The following DLG2 variants were observed in gnomAD, a reference collection of about 807,000 sequenced individuals.
DLG2 encodes discs large MAGUK scaffold protein 2.
Under a neutral mutation model 132.5 loss-of-function variants are expected in DLG2, and 45 were observed. That is an observed-to-expected ratio of 0.34 (90% CI 0.27 to 0.44). DLG2 has a LOEUF of 0.44. Ranked by LOEUF, DLG2 falls within the 20% of genes least tolerant of loss-of-function variation. DLG2 has a pLI of 1.00. For synonymous variants in DLG2, 424 were observed against 419.6 expected, an observed-to-expected ratio of 1.01 and a Z score of -0.13; for missense variants, 1,045 against 1,196.9, an observed-to-expected ratio of 0.87 and a Z score of 1.87.
At chr11:83,807,256 A>G (rs1030621962) in intron 17 of DLG2, among the ~76,000 whole-genome samples, 1 of 152,184 alleles carries the variant, frequency 6.6e-6, no homozygotes, top group Non-Finnish European at 1.5e-5. Flanking sequence ...ATCTTTCACT[A>G]TCAGTCCCAA....
At chr11:85,592,713 T>C (rs1217365189) in intron 3 of DLG2, among the ~76,000 whole-genome samples, 1 of 152,118 alleles carries the variant, frequency 6.6e-6, no homozygotes, top group Admixed American at 6.6e-5. Flanking sequence ...CACTTTGGAA[T>C]GCCAAGGTGG....
chr11:84,051,807 A>C (rs917906885), intron 11 of DLG2, among the ~76,000 whole-genome samples: 1 of 151,902 alleles, frequency 6.6e-6, no homozygotes, highest in African/African-American at 2.4e-5. Context: ...AGACAGGAAC[A>C]CCATAATAAT....
In DLG2 at chr11:83,667,807, G is replaced by A. The variant is rs370452388; in HGVS notation, c.1826-34482C>T. ...ATCCTAGCTAACACGGTGAAACCCCGTCTGTACTAAAAATACAAAAATTAG... is the reference window on the plus strand; with the variant it reads ...ATCCTAGCTAACACGGTGAAACCCCATCTGTACTAAAAATACAAAAATTAG... On this transcript the variant is annotated intron_variant, in intron 18 of 27. Coordinates refer to ENST00000376104, the MANE Select transcript of DLG2 (RefSeq NM_001142699.3). 5.9e-5 allele frequency among the ~76,000 whole-genome samples: 9 copies of A among 151,540 alleles called. No individual in the cohort carries two copies. The East Asian group carries it at 7.8e-4, about 13-fold the overall frequency.
chr11:85,275,451 T>C (rs1023732603), intron 4 of DLG2, among the ~76,000 whole-genome samples: 3 of 152,184 alleles, frequency 2.0e-5, no homozygotes, highest in Non-Finnish European at 1.5e-5. Context: ...AAATCTGTCA[T>C]ATTTACTAAA....
At chr11:84,615,502 C>T (rs917733782) in intron 6 of DLG2, among the ~76,000 whole-genome samples, 10 of 151,968 alleles carry the variant, frequency 6.6e-5, no homozygotes, top group African/African-American at 2.4e-4. Flanking sequence ...TTCATTAAGG[C>T]ATTATTTGTT....
chr11:84,458,931 A>G (rs1356374598), intron 7 of DLG2, among the ~76,000 whole-genome samples: 1 of 150,656 alleles, frequency 6.6e-6, no homozygotes, highest in Non-Finnish European at 1.5e-5. Context: ...AGTCCTCATA[A>G]ACACCTTATG....
chr11:85,079,951 C>G (rs1285707607), intron 6 of DLG2, among the ~76,000 whole-genome samples: 5 of 152,048 alleles, frequency 3.3e-5, no homozygotes, highest in Non-Finnish European at 7.4e-5. Flanking sequence ...TTGATATCCT[C>G]TCAGTAATTT....
chr11:84,756,742 T>G lies in DLG2; in HGVS notation c.358-222011A>C, dbSNP rs564325648. Among the ~76,000 whole-genome samples, 3 of 152,280 alleles carry G rather than the reference T, an allele frequency of 2.0e-5. No individual in the cohort carries two copies. The East Asian group carries it at 5.8e-4, about 29-fold the overall frequency. ...AAACTTTCTTAAAATATAATGAGAT[T>G]TTTTTGTGATTTTTTTTAATTTTTG... On this transcript the variant is annotated intron_variant, in intron 6 of 27. Transcript: ENST00000376104.
intron 6 of DLG2, among the ~76,000 whole-genome samples, chr11:84,576,342 A>T (rs999545594): frequency 1.3e-5 from 2 of 152,194 alleles, no homozygotes; most frequent in Non-Finnish European, 1.5e-5. Flanking sequence ...ATAAAGAATG[A>T]ATGAATTATA....
At chr11:85,350,505 T>A (rs1005707373) in intron 3 of DLG2, among the ~76,000 whole-genome samples, 1 of 152,214 alleles carries the variant, frequency 6.6e-6, no homozygotes, top group Non-Finnish European at 1.5e-5. Flanking sequence ...CTGAATGGTA[T>A]TGCCTAGGTT....
intron 3 of DLG2, among the ~76,000 whole-genome samples, chr11:85,519,223 T>G (rs987354210): frequency 7.9e-5 from 12 of 152,154 alleles, no homozygotes; most frequent in Non-Finnish European, 1.6e-4. Context: ...ACTGACAGCC[T>G]GCACCATGCA....
In DLG2 at chr11:83,725,311, G is replaced by A. The variant is rs2089791787; in HGVS notation, c.1825+61379C>T. ...AATCCTGCCTCCCAGCTAGCTGCTG[G>A]TGTTTGAAATTCCAACTCTGAAGTG... On this transcript the variant is annotated intron_variant, in intron 18 of 27. Coordinates refer to ENST00000376104, the MANE Select transcript of DLG2 (RefSeq NM_001142699.3). 2.3e-5 allele frequency: 4 copies of A among 176,226 alleles called. No homozygotes were observed. The South Asian group carries it at 4.8e-4, about 21-fold the overall frequency. 10.9% of individuals were successfully genotyped at this position (176,226 alleles called of 1,614,324 possible).
intron 6 of DLG2, among the ~76,000 whole-genome samples, chr11:84,678,026 A>G (rs1279977838): frequency 6.6e-6 from 1 of 152,110 alleles, no homozygotes; most frequent in Admixed American, 6.6e-5. Context: ...ATTAAGTATC[A>G]AGGCAATTAA....
intron 6 of DLG2, among the ~76,000 whole-genome samples, chr11:84,893,673 G>A (rs2089775844): frequency 6.6e-6 from 1 of 152,116 alleles, no homozygotes; most frequent in South Asian, 2.1e-4. Context: ...CGGTTTGTTA[G>A]CTTGTTTTAG....
chr11:84,127,638 C>T (rs1036391844), intron 9 of DLG2, among the ~76,000 whole-genome samples: 3 of 152,110 alleles, frequency 2.0e-5, no homozygotes, highest in South Asian at 2.1e-4. Context: ...TCTCACTATG[C>T]GGCCCAGGCT....
In DLG2 at chr11:85,298,633, T is replaced by G. The variant is rs1229463659; in HGVS notation, c.41-13268A>C. The stretch of plus-strand genomic sequence containing the variant: ...TAAATTCTTTGCTATAAAGCACATC[T>G]AACTGGGACATCTGTTAATTTCCCA... On this transcript the variant is annotated intron_variant, in intron 3 of 27. Transcript: ENST00000376104. Among the ~76,000 whole-genome samples the G allele has an allele frequency of 2.6e-5, 4 of 152,186 alleles. No homozygotes were observed. The East Asian group carries it at 7.7e-4, about 29-fold the overall frequency.
intron 6 of DLG2, among the ~76,000 whole-genome samples, chr11:84,927,925 G>A (rs2047594439): frequency 6.6e-6 from 1 of 151,896 alleles, no homozygotes; most frequent in African/African-American, 2.4e-5. Flanking sequence ...CACTAGGTAT[G>A]TGGCTCAGGT....
At chr11:85,341,754 T>C (rs574132753) in intron 3 of DLG2, among the ~76,000 whole-genome samples, 3 of 152,318 alleles carry the variant, frequency 2.0e-5, no homozygotes, top group African/African-American at 7.2e-5. Flanking sequence ...CATCATTCTA[T>C]AAAAATCATA....
intron 8 of DLG2, among the ~76,000 whole-genome samples, chr11:84,218,596 TTTCTCTGCTAGTAG>T (rs2096871993): frequency 1.3e-5 from 2 of 152,224 alleles, no homozygotes; most frequent in East Asian, 3.8e-4. Flanking sequence ...CTCTTTCTCC[TTTCTCTGCTAGTAG>T]AAAGAAGTTT....
Sources: gnomAD v4.1 joint callset for allele counts (sites outside exome capture counted in the v4.1 genomes callset) on GRCh38, gnomAD v4.1.1 for gene constraint, MANE v1.5 for transcripts, NCBI Gene and HGNC (gene_info 2026-07-23, HGNC 2026-07-21) for gene names.